OGFOD1: variants seen among roughly 807,000 people sequenced by gnomAD.
The protein encoded by OGFOD1 is 2-oxoglutarate and iron dependent oxygenase domain containing 1, also known as prolyl 3-hydroxylase OGFOD1.
A neutral mutation model predicts 67.7 loss-of-function variants in OGFOD1; 54 were observed. The observed-to-expected ratio is 0.80, with a 90% CI of 0.64 to 1.00. OGFOD1 has a LOEUF of 1.00. Ranked by LOEUF, OGFOD1 falls within the 50% of genes least tolerant of loss-of-function variation. The pLI is 0.00. For synonymous variants in OGFOD1, 221 were observed against 227.0 expected (o/e 0.97, Z 0.24); for missense variants, 606 against 646.7 (o/e 0.94, Z 0.68).
chr16:56,453,155 G>A, intron 1 of OGFOD1, 108 bp from the exon 2 acceptor site: 2 of 1,132,968 alleles, frequency 1.8e-6, no homozygotes, highest in Non-Finnish European at 2.5e-6. Flanking sequence ...TAAGTATTAG[G>A]TTCCCCAAAA....
intron 2 of OGFOD1, chr16:56,458,223 G>T: frequency 7.3e-6 from 2 of 274,288 alleles, no homozygotes; most frequent in Non-Finnish European, 1.4e-5. Context: ...CTTTCCCTGG[G>T]TTTCTTTTTT....
At chr16:56,454,447 CT>C (rs112104995) in intron 2 of OGFOD1, among the ~76,000 whole-genome samples, 24,781 of 135,286 alleles carry the variant, frequency 0.18, 2,191 homozygotes, top group African/African-American at 0.25. Context: ...TAAATCCGTT[CT>C]TTTTTTTTTT....
chr16:56,466,972 A>C lies in OGFOD1; in HGVS notation c.657+5A>C, dbSNP rs1348995599. Reference sequence around the variant, plus strand: ...TCTCCTGTGTCCTTTCACCAGGTAAAGACTGTAAGCCACAAATAGAGTAGC... The same window carrying C: ...TCTCCTGTGTCCTTTCACCAGGTAACGACTGTAAGCCACAAATAGAGTAGC... On this transcript the variant is annotated splice_donor_5th_base_variant and intron_variant, in intron 6 of 12. Transcript: ENST00000566157. 2.5e-6 allele frequency: 4 copies of C among 1,600,338 alleles called. No homozygotes were observed. Among genetic ancestry groups the C allele is most frequent in the Non-Finnish European group, 3.4e-6 (4 of 1,167,506 alleles).
chr16:56,466,098 G>T (rs970478244), intron 4 of OGFOD1, 54 bp from the exon 5 acceptor site: 88 of 1,221,124 alleles, frequency 7.2e-5, no homozygotes, highest in Non-Finnish European at 1.1e-4. Context: ...GCAGAGTCAG[G>T]TGTCAGCTGG....
chr16:56,470,545 T>C lies in OGFOD1; in HGVS notation c.1039T>C (p.Leu347=). The change falls in exon 10 of 13, where the codon TTA becomes CTA. Residue 347 remains leucine, a synonymous_variant. Transcript: ENST00000566157. ...TGAGATATTGAAGGAGTGCATGAAG[T>C]TATTTCGCTCTGAGGCACTATTCTT... ...LPEILKECMK[L]FRSEALFLLL... is the part of the protein sequence containing the mutation. 1.2e-6 allele frequency: 2 copies of C among 1,614,170 alleles called. No individual in the cohort carries two copies. Among genetic ancestry groups the C allele is most frequent in the South Asian group, 2.2e-5 (2 of 91,082 alleles).
At chr16:56,451,539 A>G (rs1433389859), upstream of OGFOD1, 18 of 1,517,798 alleles carry the variant, frequency 1.2e-5, no homozygotes, top group Non-Finnish European at 1.5e-5. Context: ...TAAAGGGGAC[A>G]TGCCGGGAGT....
intron 8 of OGFOD1, among the ~76,000 whole-genome samples, 197 bp from the exon 9 acceptor site, chr16:56,469,806 C>G (rs1426239803): frequency 2.8e-5 from 4 of 143,622 alleles, no homozygotes; most frequent in African/African-American, 1.1e-4. Flanking sequence ...GCCGAGATCA[C>G]GCCATTGTAC....
At chr16:56,464,510 T>A (rs1962829132) in intron 4 of OGFOD1, among the ~76,000 whole-genome samples, 1 of 152,252 alleles carries the variant, frequency 6.6e-6, no homozygotes, top group Non-Finnish European at 1.5e-5. Flanking sequence ...ATCATTTCTC[T>A]ACATTTATTG....
At chr16:56,454,580 G>GT in intron 2 of OGFOD1, among the ~76,000 whole-genome samples, 1 of 148,800 alleles carries the variant, frequency 6.7e-6, no homozygotes, top group African/African-American at 2.5e-5. Flanking sequence ...GGTTTCCCCA[G>GT]TTTGGGGGTA....
rs1433306426 is a variant in OGFOD1, at chr16:56,467,065, G to C, written c.657+98G>C. 1.9e-6 allele frequency: 3 copies of C among 1,560,926 alleles called. No individual in the cohort carries two copies. In the Admixed American group the frequency reaches 5.1e-5, roughly 26 times the overall value. On this transcript the variant is annotated intron_variant, in intron 6 of 12. Coordinates refer to ENST00000566157, the MANE Select transcript of OGFOD1 (RefSeq NM_018233.4). ...CTTCCTGTTAGACTTGTTATCTGAT[G>C]TTGTTTTAATGCTTAGCATGGAGGA...
intron 2 of OGFOD1, among the ~76,000 whole-genome samples, chr16:56,457,235 T>TAA (rs2143975915): frequency 6.6e-6 from 1 of 152,320 alleles, no homozygotes; most frequent in South Asian, 2.1e-4. Flanking sequence ...ACTCAGCCAT[T>TAA]AAAAGGAATG....
intron 10 of OGFOD1, among the ~76,000 whole-genome samples, chr16:56,471,364 A>AG (rs1394313685): frequency 6.6e-6 from 1 of 151,460 alleles, no homozygotes; most frequent in Non-Finnish European, 1.5e-5. Context: ...TACATCTCAA[A>AG]GAAAAAAAAA....
intron 2 of OGFOD1, chr16:56,454,746 A>G (rs1199138882): frequency 2.3e-6 from 1 of 430,414 alleles, no homozygotes; most frequent in Non-Finnish European, 4.6e-6. Context: ...TAAATAACGA[A>G]TTTCTCTCTC....
Position 56,466,140 on chromosome 16 carries a change from A to G in OGFOD1, c.449-12A>G. Reference sequence around the variant, plus strand: ...TCTGCAGGGATCTAAGGTGTCCATTAAACTATTGCAGATGCCCTGCTGTGC... The same window carrying G: ...TCTGCAGGGATCTAAGGTGTCCATTGAACTATTGCAGATGCCCTGCTGTGC... On this transcript the variant is annotated splice_polypyrimidine_tract_variant and intron_variant, in intron 4 of 12. Transcript: ENST00000566157. 1 of 1,604,990 alleles carries G rather than the reference A, an allele frequency of 6.2e-7. No homozygotes were observed. The highest frequency in any genetic ancestry group is 8.5e-7 in the Non-Finnish European group (1 of 1,171,806).
At chr16:56,466,827 G>C (rs1962918098) in intron 5 of OGFOD1, 49 bp from the exon 6 acceptor site, 1 of 1,374,240 alleles carries the variant, frequency 7.3e-7, no homozygotes. Flanking sequence ...AATGAGGCAG[G>C]CTGGAAGTGG....
In OGFOD1 at chr16:56,470,047, T is replaced by C. The variant is rs764697756; in HGVS notation, c.945T>C (p.His315=). Residue 315 remains histidine (H), a synonymous_variant, in exon 9 of 13, where the codon CAT becomes CAC. Coordinates refer to ENST00000566157, the MANE Select transcript of OGFOD1 (RefSeq NM_018233.4). ...TKVCEALEHG[H]VEWSSRGPPN... ...TCTGTGAGGCCTTGGAGCATGGACATGTGGAATGGAGCAGCCGAGGTCCCC... is the reference window on the plus strand; with the variant it reads ...TCTGTGAGGCCTTGGAGCATGGACACGTGGAATGGAGCAGCCGAGGTCCCC... 9 of 1,613,926 alleles carry C rather than the reference T, an allele frequency of 5.6e-6. No homozygotes were observed. The South Asian group carries it at 7.7e-5, about 14-fold the overall frequency.
chr16:56,457,556 A>T (rs1182884262), intron 2 of OGFOD1, among the ~76,000 whole-genome samples: 2 of 152,208 alleles, frequency 1.3e-5, no homozygotes, highest in African/African-American at 4.8e-5. Flanking sequence ...TAATTGTGTT[A>T]TGTGGATATT....
chr16:56,455,380 C>A lies in OGFOD1; in HGVS notation c.300+1972C>A, dbSNP rs1485251670. 9.2e-4 allele frequency among the ~76,000 whole-genome samples: 131 copies of A among 142,702 alleles called. 2 individuals are homozygous for A. Among genetic ancestry groups the A allele is most frequent in the Non-Finnish European group, 1.6e-3 (106 of 65,122 alleles). 93.6% of individuals were successfully genotyped at this position (142,702 alleles called of 152,430 possible). Reference sequence around the variant, plus strand: ...AGACTCCACCTCAAAAAAAAAAAAACAAAACTGGAAGATATAAGGCAAAAT... The same window carrying A: ...AGACTCCACCTCAAAAAAAAAAAAAAAAAACTGGAAGATATAAGGCAAAAT... On this transcript the variant is annotated intron_variant, in intron 2 of 12. Coordinates refer to ENST00000566157, the MANE Select transcript of OGFOD1 (RefSeq NM_018233.4).
intron 8 of OGFOD1, among the ~76,000 whole-genome samples, chr16:56,469,281 G>A (rs1300671605): frequency 1.3e-5 from 2 of 152,134 alleles, no homozygotes; most frequent in African/African-American, 2.4e-5. Context: ...CTAGAGAATC[G>A]GAATTGTTAT....
Sources: allele counts gnomAD v4.1 joint callset (sites outside exome capture counted in the v4.1 genomes callset), GRCh38; gene constraint gnomAD v4.1.1; transcripts MANE v1.5; gene names NCBI Gene and HGNC (gene_info 2026-07-23, HGNC 2026-07-21).